The following THSD7B variants were observed in gnomAD, a reference collection of about 807,000 sequenced individuals.
THSD7B encodes the protein thrombospondin type-1 domain-containing protein 7B.
Under a neutral mutation model 213.6 loss-of-function variants are expected in THSD7B, and 138 were observed. The observed-to-expected ratio is 0.65, with a 90% CI of 0.56 to 0.74. The LOEUF (loss-of-function observed/expected upper bound fraction) is 0.74, where lower values mean the gene tolerates loss of function less well. Among genes scored for constraint, THSD7B ranks in the 30% least tolerant of loss-of-function variants. The probability of loss-of-function intolerance (pLI) is 0.00; values close to 1 mark genes in which losing one functional copy is unlikely to be tolerated. For synonymous variants in THSD7B, 742 were observed against 687.0 expected (o/e 1.08, Z -1.25); for missense variants, 1,931 against 1,991.5 (o/e 0.97, Z 0.58).
At chr2:137,650,590 C>T (rs1199359839) in intron 21 of THSD7B, among the ~76,000 whole-genome samples, 1 of 152,142 alleles carries the variant, frequency 6.6e-6, no homozygotes, top group Admixed American at 6.6e-5. Context: ...TCTTGACTAA[C>T]TGCTATGGCT....
intron 1 of THSD7B, among the ~76,000 whole-genome samples, chr2:136,807,706 C>T (rs1682309174): frequency 6.6e-6 from 1 of 151,954 alleles, no homozygotes; most frequent in African/African-American, 2.4e-5. Flanking sequence ...TGGGGTTTCA[C>T]CGTGTTAGCC....
chr2:137,254,871 G>A (rs887082509), intron 10 of THSD7B, among the ~76,000 whole-genome samples: 1 of 152,020 alleles, frequency 6.6e-6, no homozygotes, highest in Non-Finnish European at 1.5e-5. Context: ...GTATGTTTAT[G>A]TGAGTGTGTA....
chr2:137,306,183 T>C (rs564710254), intron 12 of THSD7B, among the ~76,000 whole-genome samples: 3 of 152,228 alleles, frequency 2.0e-5, no homozygotes, highest in Admixed American at 1.3e-4. Context: ...ACAAACACAG[T>C]GCATAATACA....
chr2:137,181,120 G>A (rs1680444330), intron 7 of THSD7B, among the ~76,000 whole-genome samples: 1 of 152,190 alleles, frequency 6.6e-6, no homozygotes, highest in African/African-American at 2.4e-5. Flanking sequence ...TTCTAATCTT[G>A]ATCACATTCA....
intron 7 of THSD7B, among the ~76,000 whole-genome samples, chr2:137,224,295 C>T (rs1259745014): frequency 6.6e-6 from 1 of 152,170 alleles, no homozygotes; most frequent in Non-Finnish European, 1.5e-5. Context: ...TAGCCAGGTA[C>T]ATAAATTGTC....
intron 13 of THSD7B, among the ~76,000 whole-genome samples, chr2:137,409,121 A>G (rs1261578337): frequency 1.3e-5 from 2 of 152,196 alleles, no homozygotes; most frequent in African/African-American, 2.4e-5. Flanking sequence ...ATTCTGTACT[A>G]TGGTAAGCCA....
At chr2:137,062,530 G>T (rs1248248481) in intron 3 of THSD7B, among the ~76,000 whole-genome samples, 1 of 151,600 alleles carries the variant, frequency 6.6e-6, no homozygotes, top group South Asian at 2.1e-4. Context: ...TTTTCATGTA[G>T]TTCTAAATAT....
intron 1 of THSD7B, among the ~76,000 whole-genome samples, chr2:136,816,429 T>A (rs953786231): frequency 6.6e-6 from 1 of 152,250 alleles, no homozygotes; most frequent in African/African-American, 2.4e-5. Context: ...AATGCTATTT[T>A]AAGGCTTTTT....
At chr2:137,521,138 G>A (rs1251184385) in intron 15 of THSD7B, among the ~76,000 whole-genome samples, 1 of 152,154 alleles carries the variant, frequency 6.6e-6, no homozygotes, top group East Asian at 1.9e-4. Context: ...TATGTTATTT[G>A]TATCAATTTT....
intron 25 of THSD7B, among the ~76,000 whole-genome samples, chr2:137,660,044 T>G (rs1365253222): frequency 6.6e-6 from 1 of 152,234 alleles, no homozygotes; most frequent in African/African-American, 2.4e-5. Flanking sequence ...TCTTAACCTT[T>G]TATACGCCTC....
intron 12 of THSD7B, among the ~76,000 whole-genome samples, chr2:137,398,959 C>G (rs1049871561): frequency 1.3e-5 from 2 of 152,148 alleles, no homozygotes; most frequent in Non-Finnish European, 2.9e-5. Context: ...TTCTTTGACT[C>G]GGAAAGGGAA....
At position 137,451,037 on chromosome 2, in the gene THSD7B, A is replaced by G. The variant is rs775367943; in HGVS notation, c.3138+14A>G. 6.5e-7 allele frequency: 1 copy of G among 1,544,768 alleles called. No individual in the cohort carries two copies. Among genetic ancestry groups the G allele is most frequent in the South Asian group, 1.2e-5 (1 of 80,804 alleles). Reference sequence around the variant, plus strand: ...CTCAAGAATCAGGTAAAGTGCATGAAGCAACAAATAAAAAGCTAAAAAAGC... The same window carrying G: ...CTCAAGAATCAGGTAAAGTGCATGAGGCAACAAATAAAAAGCTAAAAAAGC... On this transcript the variant is annotated intron_variant, in intron 15 of 27. Transcript: ENST00000409968.
chr2:137,392,173 T>G (rs184549184), intron 12 of THSD7B, among the ~76,000 whole-genome samples: 139 of 152,370 alleles, frequency 9.1e-4, no homozygotes, highest in African/African-American at 3.0e-3. Context: ...CAATGTGGTC[T>G]GTCCTAGAGA....
intron 1 of THSD7B, among the ~76,000 whole-genome samples, chr2:136,785,687 A>G (rs1448151584): frequency 2.6e-5 from 4 of 152,174 alleles, no homozygotes; most frequent in South Asian, 2.1e-4. Context: ...GCAATGAGCA[A>G]CTCATTAGGT....
At chr2:136,770,553 C>A (rs1247857884) in intron 1 of THSD7B, among the ~76,000 whole-genome samples, 1 of 152,152 alleles carries the variant, frequency 6.6e-6, no homozygotes, top group Non-Finnish European at 1.5e-5. Context: ...CAGACCACTC[C>A]CCTTAGATCA....
At chr2:136,770,078 C>G (rs1681477563) in intron 1 of THSD7B, among the ~76,000 whole-genome samples, 2 of 152,284 alleles carry the variant, frequency 1.3e-5, no homozygotes, top group Middle Eastern at 3.4e-3. Flanking sequence ...GATTTGTGTC[C>G]TAGTGTTATG....
chr2:137,438,290 C>A (rs1687333799), intron 14 of THSD7B, among the ~76,000 whole-genome samples: 1 of 152,080 alleles, frequency 6.6e-6, no homozygotes, highest in Admixed American at 6.6e-5. Flanking sequence ...GACACTATGC[C>A]TTTCTAATAG....
At chr2:136,790,284 G>A (rs1681944815) in intron 1 of THSD7B, among the ~76,000 whole-genome samples, 1 of 151,754 alleles carries the variant, frequency 6.6e-6, no homozygotes, top group Non-Finnish European at 1.5e-5. Context: ...AGTTAATAGA[G>A]AAAAGAGTGG....
intron 2 of THSD7B, among the ~76,000 whole-genome samples, chr2:137,037,748 C>A (rs1686804532): frequency 6.6e-6 from 1 of 151,942 alleles, no homozygotes; most frequent in African/African-American, 2.4e-5. Context: ...CTCACATTTT[C>A]AACTGTGTGA....
Sources: gnomAD v4.1 joint callset for allele counts (sites outside exome capture counted in the v4.1 genomes callset) on GRCh38, gnomAD v4.1.1 for gene constraint, MANE v1.5 for transcripts, NCBI Gene and HGNC (gene_info 2026-07-23, HGNC 2026-07-21) for gene names.